Variants in PARD3B observed in about 807,000 individuals in gnomAD.
PARD3B encodes the protein par-3 family cell polarity regulator beta, also known as partitioning defective 3 homolog B.
PARD3B carries 103 observed loss-of-function variants against 130.2 expected under a neutral mutation model. The observed-to-expected ratio is 0.79, with a 90% confidence interval of 0.67 to 0.93. The LOEUF (loss-of-function observed/expected upper bound fraction) is 0.93, where lower values mean the gene tolerates loss of function less well. Ranked by LOEUF, PARD3B falls within the 40% of genes least tolerant of loss-of-function variation. The probability of loss-of-function intolerance (pLI) is 0.00; values close to 1 mark genes in which losing one functional copy is unlikely to be tolerated. For missense variants in PARD3B, 1,609 were observed against 1,499.2 expected (o/e 1.07, Z -1.21); for synonymous variants, 583 against 553.2 (o/e 1.05, Z -0.76).
chr2:205,379,485 A>T (rs545481086), intron 18 of PARD3B, among the ~76,000 whole-genome samples: 53 of 150,962 alleles, frequency 3.5e-4, no homozygotes, highest in African/African-American at 8.8e-4. Context: ...GTTTTTTTTA[A>T]AAAAAAAGCA....
intron 19 of PARD3B, among the ~76,000 whole-genome samples, chr2:205,436,115 G>GA (rs2047506381): frequency 1.3e-5 from 2 of 152,186 alleles, no homozygotes; most frequent in Non-Finnish European, 2.9e-5. Context: ...GAATAGCAAA[G>GA]AGGGACCTTA....
chr2:205,284,565 G>A (rs1347351392), intron 16 of PARD3B, among the ~76,000 whole-genome samples: 1 of 152,032 alleles, frequency 6.6e-6, no homozygotes, highest in Non-Finnish European at 1.5e-5. Context: ...TTACTCCCTT[G>A]GAAGGCTCTG....
rs188458165 is a variant in PARD3B, at chr2:205,577,458, T to C, written c.3260+24055T>C. Among the ~76,000 whole-genome samples, 356 of 152,188 alleles carry C rather than the reference T, an allele frequency of 2.3e-3. 3 individuals are homozygous for C. The highest frequency in any genetic ancestry group is 0.01 in the Middle Eastern group (3 of 294). On this transcript the variant is annotated intron_variant, in intron 22 of 22. Transcript: ENST00000406610. ...TTAACCTTAAAAGTGTGGTAGGAAA[T>C]GGGAAAATACTTTAAATAATTCAGA...
chr2:205,112,556 C>A (rs1022507706), intron 5 of PARD3B, among the ~76,000 whole-genome samples: 1 of 151,976 alleles, frequency 6.6e-6, no homozygotes, highest in African/African-American at 2.4e-5. Context: ...ACAATGGAGA[C>A]CGGCTTACAA....
At position 205,054,524 on chromosome 2, in the gene PARD3B, C is replaced by T. The variant is rs1699512018; in HGVS notation, c.504+6834C>T. ...GGTTTGTTACATATGTATACATGTG[C>T]CATGTTGGTTTGCTGCACCCATTCA... On this transcript the variant is annotated intron_variant, in intron 4 of 22. Transcript: ENST00000406610. Among the ~76,000 whole-genome samples the T allele has an allele frequency of 3.5e-5, 5 of 141,396 alleles. No individual in the cohort carries two copies. The South Asian group carries it at 1.2e-3, about 33-fold the overall frequency. The allele number at this position is 141,396 out of a possible 152,430, so 92.8% of individuals were successfully genotyped here. A position where few individuals can be genotyped will look rare whatever the true frequency, so the allele number is the denominator to read the frequency against.
intron 16 of PARD3B, among the ~76,000 whole-genome samples, chr2:205,248,429 C>CAGCAGA (rs2039669556): frequency 6.8e-6 from 1 of 147,782 alleles, no homozygotes. Context: ...GCAGCAGCAG[C>CAGCAGA]AGCAGAGGGT....
chr2:205,603,642 G>A (rs1385838685), intron 22 of PARD3B, among the ~76,000 whole-genome samples: 3 of 152,096 alleles, frequency 2.0e-5, no homozygotes, highest in Admixed American at 2.0e-4. Flanking sequence ...TTGGCTTAAA[G>A]TCTGTTTTGT....
intron 2 of PARD3B, among the ~76,000 whole-genome samples, chr2:204,781,763 T>C (rs949811573): frequency 6.6e-6 from 1 of 152,152 alleles, no homozygotes; most frequent in African/African-American, 2.4e-5. Context: ...GTATGCATAA[T>C]GGACATACCT....
intron 18 of PARD3B, among the ~76,000 whole-genome samples, chr2:205,399,081 C>T (rs931181581): frequency 6.6e-6 from 1 of 151,946 alleles, no homozygotes; most frequent in Admixed American, 6.6e-5. Context: ...CCAGCCTGGC[C>T]AACATGGTGA....
intron 15 of PARD3B, among the ~76,000 whole-genome samples, chr2:205,237,132 C>T (rs1399105951): frequency 6.6e-6 from 1 of 152,004 alleles, no homozygotes; most frequent in Non-Finnish European, 1.5e-5. Flanking sequence ...AGAGTTTTGC[C>T]CTTGTCGTCC....
intron 2 of PARD3B, among the ~76,000 whole-genome samples, chr2:204,899,256 CCCTTCCTT>C (rs147570066): frequency 7.8e-6 from 1 of 128,286 alleles, no homozygotes; most frequent in East Asian, 2.2e-4. Flanking sequence ...CTCCCTCCCT[CCCTTCCTT>C]CCTTCCTTCC....
At chr2:204,691,189 T>A (rs946098699) in intron 2 of PARD3B, among the ~76,000 whole-genome samples, 1 of 152,086 alleles carries the variant, frequency 6.6e-6, no homozygotes, top group African/African-American at 2.4e-5. Context: ...AATGATTATT[T>A]TCTTTGGTAA....
intron 3 of PARD3B, among the ~76,000 whole-genome samples, chr2:205,006,822 T>A (rs1695302162): frequency 6.6e-6 from 1 of 152,084 alleles, no homozygotes; most frequent in South Asian, 2.1e-4. Flanking sequence ...TTTTATTAGG[T>A]CCCACTTATT....
intron 18 of PARD3B, among the ~76,000 whole-genome samples, chr2:205,332,904 G>A (rs1475469692): frequency 6.6e-6 from 1 of 152,136 alleles, no homozygotes; most frequent in Non-Finnish European, 1.5e-5. Context: ...AGGAAACTGA[G>A]GCTTGAATTA....
At chr2:205,324,279 T>C (rs764411760) in intron 18 of PARD3B, among the ~76,000 whole-genome samples, 10 of 152,332 alleles carry the variant, frequency 6.6e-5, no homozygotes, top group Admixed American at 2.0e-4. Flanking sequence ...AATATAAGTG[T>C]ACTTGAAGTA....
At chr2:204,981,583 CT>C (rs1692671454) in intron 3 of PARD3B, among the ~76,000 whole-genome samples, 1 of 152,172 alleles carries the variant, frequency 6.6e-6, no homozygotes, top group South Asian at 2.1e-4. Context: ...TTATTGGACA[CT>C]TAACTATCTA....
intron 21 of PARD3B, among the ~76,000 whole-genome samples, chr2:205,502,246 A>G (rs567091741): frequency 1.1e-3 from 160 of 152,276 alleles, no homozygotes; most frequent in African/African-American, 3.6e-3. Context: ...GCAAGTTAAG[A>G]AAGTTAACAT....
At chr2:205,243,957 A>G (rs896464946) in intron 15 of PARD3B, among the ~76,000 whole-genome samples, 4 of 152,202 alleles carry the variant, frequency 2.6e-5, no homozygotes, top group Non-Finnish European at 5.9e-5. Flanking sequence ...ATGCTTTTCT[A>G]CTTACAGTGT....
chr2:205,019,383 A>G (rs1222772122), intron 3 of PARD3B, among the ~76,000 whole-genome samples: 2 of 152,186 alleles, frequency 1.3e-5, no homozygotes, highest in Non-Finnish European at 2.9e-5. Flanking sequence ...TTGTTCATTT[A>G]TAAGTTGATG....
Sources: allele counts gnomAD v4.1 joint callset (sites outside exome capture counted in the v4.1 genomes callset), GRCh38; gene constraint gnomAD v4.1.1; transcripts MANE v1.5; gene names NCBI Gene and HGNC (gene_info 2026-07-23, HGNC 2026-07-21).